The following ODAD2 variants were observed in gnomAD, a reference collection of about 807,000 sequenced individuals.
ODAD2 encodes the protein outer dynein arm docking complex subunit 2, also known as outer dynein arm-docking complex subunit 2.
A neutral mutation model predicts 106.8 loss-of-function variants in ODAD2; 89 were observed. The observed-to-expected ratio is 0.83, with a 90% CI of 0.70 to 0.99. The LOEUF (loss-of-function observed/expected upper bound fraction) is 0.99, where lower values mean the gene tolerates loss of function less well. Ranked by LOEUF, ODAD2 falls within the 50% of genes least tolerant of loss-of-function variation. The pLI is 0.00. For synonymous variants in ODAD2, 404 were observed against 436.2 expected, an observed-to-expected ratio of 0.93 and a Z score of 0.92; for missense variants, 1,168 against 1,238.5, an observed-to-expected ratio of 0.94 and a Z score of 0.85.
chr10:27,992,517 T>C (rs540095267), intron 2 of ODAD2, among the ~76,000 whole-genome samples: 2 of 152,190 alleles, frequency 1.3e-5, no homozygotes, highest in African/African-American at 4.8e-5. Flanking sequence ...GGTGAGATCC[T>C]GTCTCTACAA....
At chr10:27,930,635 AAAAAAG>A (rs1382232404) in intron 16 of ODAD2, among the ~76,000 whole-genome samples, 6 of 152,022 alleles carry the variant, frequency 3.9e-5, no homozygotes, top group Middle Eastern at 3.4e-3. Context: ...TCAAAAAAAA[AAAAAAG>A]AAAAAGAAAA....
intron 16 of ODAD2, among the ~76,000 whole-genome samples, chr10:27,934,443 A>G (rs1184440553): frequency 6.7e-6 from 1 of 149,406 alleles, no homozygotes; most frequent in Non-Finnish European, 1.5e-5. Context: ...ATATGAATAT[A>G]TATCTTTATA....
At chr10:27,864,669 C>G (rs1840314768) in intron 17 of ODAD2, among the ~76,000 whole-genome samples, 1 of 151,026 alleles carries the variant, frequency 6.6e-6, no homozygotes, top group Admixed American at 6.6e-5. Context: ...TTCTGGTGTC[C>G]CAGGTGTGGG....
intron 9 of ODAD2, among the ~76,000 whole-genome samples, chr10:27,964,772 T>C (rs1200536747): frequency 6.6e-6 from 1 of 152,198 alleles, no homozygotes; most frequent in Non-Finnish European, 1.5e-5. Context: ...ATCAGAAAAT[T>C]TTTATTTCTG....
At chr10:27,932,215 T>A (rs1845665086) in intron 16 of ODAD2, among the ~76,000 whole-genome samples, 1 of 152,094 alleles carries the variant, frequency 6.6e-6, no homozygotes, top group African/African-American at 2.4e-5. Context: ...GGATTACAGA[T>A]GTAAGCCACC....
At chr10:27,895,154 G>A (rs1428108176) in intron 17 of ODAD2, among the ~76,000 whole-genome samples, 1 of 151,516 alleles carries the variant, frequency 6.6e-6, no homozygotes, top group Non-Finnish European at 1.5e-5. Flanking sequence ...TAATGAACAT[G>A]TAAGCACACA....
At chr10:27,816,350 C>A (rs923049169) in intron 19 of ODAD2, among the ~76,000 whole-genome samples, 3 of 152,170 alleles carry the variant, frequency 2.0e-5, no homozygotes, top group African/African-American at 7.2e-5. Context: ...AGATTCTGTT[C>A]TGTATGAGGG....
At chr10:27,945,452 G>A (rs890800449) in intron 10 of ODAD2, among the ~76,000 whole-genome samples, 2 of 152,228 alleles carry the variant, frequency 1.3e-5, no homozygotes, top group African/African-American at 4.8e-5. Flanking sequence ...TTTGAGGGCC[G>A]TGGGATTGGG....
chr10:27,952,787 CA>C (rs1847450403), intron 10 of ODAD2, among the ~76,000 whole-genome samples: 1 of 152,122 alleles, frequency 6.6e-6, no homozygotes, highest in Non-Finnish European at 1.5e-5. Flanking sequence ...GTTGAAGGTC[CA>C]GGGTTGAAAA....
intron 1 of ODAD2, chr10:27,995,848 G>A (rs1345360704): frequency 1.3e-5 from 2 of 152,124 alleles, no homozygotes; most frequent in Non-Finnish European, 2.9e-5. Flanking sequence ...TATTTTCCCT[G>A]CCTGTATATC....
chr10:27,891,377 T>G (rs1014970680), intron 17 of ODAD2, among the ~76,000 whole-genome samples: 4 of 150,656 alleles, frequency 2.7e-5, no homozygotes, highest in Non-Finnish European at 5.9e-5. Context: ...TAGAGTTTTT[T>G]GTTTTTTTTT....
intron 10 of ODAD2, chr10:27,959,016 C>T (rs1242931120): frequency 1.5e-6 from 2 of 1,302,068 alleles, no homozygotes; most frequent in Non-Finnish European, 1.0e-6. Flanking sequence ...GGGAAAAACT[C>T]AGGACTCTCT....
chr10:27,903,994 C>G (rs142296807), intron 17 of ODAD2, among the ~76,000 whole-genome samples: 1 of 152,254 alleles, frequency 6.6e-6, no homozygotes, highest in African/African-American at 2.4e-5. Flanking sequence ...TATGTTTTCT[C>G]CAAATAAGGA....
At chr10:27,924,249 A>T (rs1013490782) in intron 16 of ODAD2, among the ~76,000 whole-genome samples, 1 of 151,892 alleles carries the variant, frequency 6.6e-6, no homozygotes, top group African/African-American at 2.4e-5. Context: ...GTTAAAAAAA[A>T]TTTTAAAGAA....
At chr10:27,815,586 C>A (rs969269966) in intron 19 of ODAD2, among the ~76,000 whole-genome samples, 1 of 152,044 alleles carries the variant, frequency 6.6e-6, no homozygotes, top group African/African-American at 2.4e-5. Context: ...TATAATTGGC[C>A]ACTTCCTCCT....
intron 10 of ODAD2, among the ~76,000 whole-genome samples, chr10:27,961,333 C>T (rs907617594): frequency 7.2e-5 from 11 of 152,118 alleles, no homozygotes; most frequent in Non-Finnish European, 1.6e-4. Flanking sequence ...TTTACCATGC[C>T]CACTTCCCAG....
chr10:27,900,138 G>T (rs1023276622), intron 17 of ODAD2, among the ~76,000 whole-genome samples: 6 of 152,192 alleles, frequency 3.9e-5, no homozygotes, highest in African/African-American at 1.4e-4. Flanking sequence ...AATCTTTGCT[G>T]TTCTGCAGCC....
intron 17 of ODAD2, among the ~76,000 whole-genome samples, chr10:27,863,132 T>C (rs553095781): frequency 6.6e-6 from 1 of 152,312 alleles, no homozygotes; most frequent in South Asian, 2.1e-4. Flanking sequence ...TATATATTGT[T>C]CATTCATTCA....
At chr10:27,959,058 C>T (rs769925622) in intron 10 of ODAD2, 29 of 1,268,524 alleles carry the variant, frequency 2.3e-5, no homozygotes, top group Middle Eastern at 2.3e-4. Context: ...ATGTCTTGGA[C>T]GGGCTTAGAG....
Sources: gnomAD v4.1 joint callset for allele counts (sites outside exome capture counted in the v4.1 genomes callset) on GRCh38, gnomAD v4.1.1 for gene constraint, MANE v1.5 for transcripts, NCBI Gene and HGNC (gene_info 2026-07-23, HGNC 2026-07-21) for gene names.